DUSP10: variants seen among roughly 807,000 people sequenced by gnomAD.
DUSP10 encodes the protein dual specificity protein phosphatase 10.
In DUSP10, 14 loss-of-function variants were observed where a neutral mutation model predicts 30.8. That is an observed-to-expected ratio of 0.46 (90% confidence interval 0.30 to 0.71). The LOEUF (loss-of-function observed/expected upper bound fraction) is 0.71. Among genes scored for constraint, DUSP10 ranks in the 30% least tolerant of loss-of-function variants. The pLI is 0.08. For synonymous variants in DUSP10, 254 were observed against 250.4 expected (o/e 1.01, Z -0.14); for missense variants, 550 against 619.4 (o/e 0.89, Z 1.19).
At chr1:221,730,256 C>A (rs144640033) in intron 2 of DUSP10, among the ~76,000 whole-genome samples, 3 of 152,150 alleles carry the variant, frequency 2.0e-5, no homozygotes, top group Non-Finnish European at 4.4e-5. Context: ...TGATGCAAAA[C>A]GGTGACTGCC....
chr1:221,705,987 G>T, intron 3 of DUSP10, 108 bp downstream of exon 3: 1 of 1,472,236 alleles, frequency 6.8e-7, no homozygotes, highest in Non-Finnish European at 9.1e-7. Context: ...AAACTCCAGG[G>T]CAGCTTTTCT....
chr1:221,703,201 A>G (rs28488115), intron 3 of DUSP10, among the ~76,000 whole-genome samples: 13 of 149,906 alleles, frequency 8.7e-5, no homozygotes, highest in African/African-American at 3.2e-4. Flanking sequence ...ATGTGTGTGT[A>G]TGTGTGTGTG....
intron 2 of DUSP10, among the ~76,000 whole-genome samples, chr1:221,733,004 T>G (rs545172089): frequency 6.6e-6 from 1 of 152,338 alleles, no homozygotes; most frequent in African/African-American, 2.4e-5. Context: ...CTCCTTAATA[T>G]GTAGTCTATC....
intron 2 of DUSP10, among the ~76,000 whole-genome samples, chr1:221,722,905 GA>G (rs1168258524): frequency 1.9e-4 from 29 of 152,108 alleles, no homozygotes; most frequent in Non-Finnish European, 2.9e-4. Context: ...AGCCCCAAAA[GA>G]AAAAGCAACA....
In DUSP10 at chr1:221,706,933, G is replaced by A. The variant is rs1237541819; in HGVS notation, c.812-467C>T. Reference sequence around the variant, plus strand: ...CCCTTCATAGCTCACCTCACCCAGAGGGACAAGTTTGCTCCCAATACAGCA... The same window carrying A: ...CCCTTCATAGCTCACCTCACCCAGAAGGACAAGTTTGCTCCCAATACAGCA... On this transcript the variant is annotated intron_variant, in intron 2 of 3. Coordinates refer to ENST00000366899, the MANE Select transcript of DUSP10 (RefSeq NM_007207.6). The surrounding 1 kb of genome is among the most constrained non-coding windows in gnomAD (Gnocchi z 4.6). Among the ~76,000 whole-genome samples the A allele has an allele frequency of 6.6e-6, 1 of 152,180 alleles. No homozygotes were observed. The highest frequency in any genetic ancestry group is 1.5e-5 in the Non-Finnish European group (1 of 68,024).
At chr1:221,734,465 C>A (rs1020904680) in intron 2 of DUSP10, among the ~76,000 whole-genome samples, 1 of 152,194 alleles carries the variant, frequency 6.6e-6, no homozygotes, top group Non-Finnish European at 1.5e-5. Context: ...TGTACTGGCA[C>A]TATCATTTCC....
In DUSP10 at chr1:221,702,572, G is replaced by C. The variant is rs1169044991; in HGVS notation, c.1289C>G (p.Thr430Ser). The change falls in exon 4 of 4, where the codon ACC becomes AGC. Residue 430 changes from threonine (T) to serine (S), a missense_variant. Thr to Ser is a moderately conservative substitution (Grantham distance 58). Transcript: ENST00000366899. This position sits in a 1 kb window ranked among gnomAD's most constrained non-coding sequence, Gnocchi z 4.5. The stretch of plus-strand genomic sequence containing the variant: ...GACAAATTTATAAGCATCAGTCATG[G>C]TCATCCGAGTGTGCTTCATCAAGTA... The part of the protein sequence containing the change: ...IAYLMKHTRM[T>S]MTDAYKFVKG... 3 of 1,614,164 alleles carry C rather than the reference G, an allele frequency of 1.9e-6. No individual in the cohort carries two copies. The South Asian group carries it at 3.3e-5, about 18-fold the overall frequency.
intron 2 of DUSP10, among the ~76,000 whole-genome samples, chr1:221,708,713 T>A (rs1321955550): frequency 6.6e-6 from 1 of 152,004 alleles, no homozygotes; most frequent in African/African-American, 2.4e-5. Flanking sequence ...AAAAAATAAA[T>A]AAGATAAAAA....
chr1:221,716,779 C>T (rs951710297), intron 2 of DUSP10, among the ~76,000 whole-genome samples: 2 of 152,196 alleles, frequency 1.3e-5, no homozygotes, highest in African/African-American at 2.4e-5. Context: ...CTTTCTGGTA[C>T]GTGTCTAAAC....
chr1:221,709,177 G>T (rs1180699834), intron 2 of DUSP10, among the ~76,000 whole-genome samples: 3 of 152,156 alleles, frequency 2.0e-5, no homozygotes, highest in African/African-American at 7.2e-5. Context: ...ACATCAGTTG[G>T]CATGATATCA....
chr1:221,739,886 A>G, intron 1 of DUSP10, 99 bp from the exon 2 acceptor site: 1 of 1,288,058 alleles, frequency 7.8e-7, no homozygotes, highest in Non-Finnish European at 1.0e-6. Flanking sequence ...CCCTCTGAGC[A>G]AAGTCGTCCT....
chr1:221,714,296 T>C (rs372317997), intron 2 of DUSP10, among the ~76,000 whole-genome samples: 7 of 152,314 alleles, frequency 4.6e-5, no homozygotes, highest in African/African-American at 1.7e-4. Context: ...CGTAACGTTT[T>C]CCTTTTAATG....
intron 2 of DUSP10, among the ~76,000 whole-genome samples, chr1:221,717,971 A>G (rs1661158562): frequency 6.6e-6 from 1 of 152,088 alleles, no homozygotes; most frequent in Non-Finnish European, 1.5e-5. Context: ...ACAACGTATA[A>G]TACTTACTTT....
chr1:221,714,457 C>T (rs900895757), intron 2 of DUSP10, among the ~76,000 whole-genome samples: 12 of 152,160 alleles, frequency 7.9e-5, no homozygotes, highest in Non-Finnish European at 1.5e-4. Flanking sequence ...TCCATCTTCC[C>T]TTCTCTGCCG....
intron 2 of DUSP10, among the ~76,000 whole-genome samples, chr1:221,721,192 T>A (rs998027395): frequency 6.6e-6 from 1 of 152,236 alleles, no homozygotes; most frequent in Non-Finnish European, 1.5e-5. Context: ...GAATTGTATA[T>A]AGTAAGTGCT....
chr1:221,736,827 C>G (rs2102654181), intron 2 of DUSP10: 2 of 985,436 alleles, frequency 2.0e-6, no homozygotes, highest in Non-Finnish European at 2.4e-6. Context: ...GCCCCCAAAA[C>G]TACAAATAAT....
intron 2 of DUSP10, among the ~76,000 whole-genome samples, chr1:221,728,668 A>G (rs1465775588): frequency 1.3e-5 from 2 of 152,238 alleles, no homozygotes. Context: ...AAAACAATCT[A>G]TAGTTTTCAT....
At chr1:221,710,001 T>C (rs935777129) in intron 2 of DUSP10, among the ~76,000 whole-genome samples, 2 of 152,198 alleles carry the variant, frequency 1.3e-5, no homozygotes, top group African/African-American at 4.8e-5. Flanking sequence ...CACACCTAGC[T>C]GCAGTTATGA....
At chr1:221,736,964 G>A (rs372970016) in intron 2 of DUSP10, 117 of 985,418 alleles carry the variant, frequency 1.2e-4, no homozygotes, top group South Asian at 7.0e-4. Context: ...GTCCTGCCCC[G>A]CCCCATTGAG....
Sources: gnomAD v4.1 joint callset for allele counts (sites outside exome capture counted in the v4.1 genomes callset) on GRCh38, gnomAD v4.1.1 for gene constraint, Gnocchi (gnomAD v3.1) non-coding constraint, MANE v1.5 for transcripts, NCBI Gene and HGNC (gene_info 2026-07-23, HGNC 2026-07-21) for gene names.